Variants in CDH4 observed in about 807,000 individuals in gnomAD.
CDH4 encodes cadherin 4, also known as cadherin-4.
In CDH4, 33 loss-of-function variants were observed where a neutral mutation model predicts 86.0. The observed-to-expected ratio is 0.38, with a 90% confidence interval of 0.29 to 0.51. The LOEUF is 0.51. Ranked by LOEUF, CDH4 falls within the 20% of genes least tolerant of loss-of-function variation. CDH4 has a pLI of 0.86. For missense variants in CDH4, 1,114 were observed against 1,307.4 expected, an observed-to-expected ratio of 0.85 and a Z score of 2.28; for synonymous variants, 555 against 549.4, an observed-to-expected ratio of 1.01 and a Z score of -0.14.
intron 2 of CDH4, among the ~76,000 whole-genome samples, chr20:61,258,350 A>AG (rs2084112011): frequency 6.7e-6 from 1 of 149,732 alleles, no homozygotes; most frequent in African/African-American, 2.5e-5. Context: ...AAAAAAGAAA[A>AG]AAAAAAAAGA....
At chr20:61,833,319 A>G (rs1319184714) in intron 4 of CDH4, among the ~76,000 whole-genome samples, 1 of 152,178 alleles carries the variant, frequency 6.6e-6, no homozygotes, top group African/African-American at 2.4e-5. Context: ...GGCTGGATAT[A>G]CAGATATTTA....
intron 2 of CDH4, among the ~76,000 whole-genome samples, chr20:61,413,455 G>A (rs1287472332): frequency 6.6e-6 from 1 of 152,158 alleles, no homozygotes; most frequent in African/African-American, 2.4e-5. Flanking sequence ...CCTAGCTGGT[G>A]ACCTGAGTCT....
At chr20:61,467,321 A>ACT (rs550161286) in intron 2 of CDH4, among the ~76,000 whole-genome samples, 362 of 152,346 alleles carry the variant, frequency 2.4e-3, no homozygotes, top group Non-Finnish European at 4.4e-3. Flanking sequence ...TTAATCACTT[A>ACT]CTACATATCA....
chr20:61,926,994 C>T (rs903976162), intron 11 of CDH4, among the ~76,000 whole-genome samples: 13 of 152,200 alleles, frequency 8.5e-5, no homozygotes, highest in Admixed American at 6.5e-5. Context: ...AGGAGCCCCC[C>T]GGTTAACAGA....
chr20:61,484,820 C>G (rs2085587236), intron 2 of CDH4, among the ~76,000 whole-genome samples: 1 of 152,196 alleles, frequency 6.6e-6, no homozygotes, highest in Non-Finnish European at 1.5e-5. Context: ...CAGTGTTGAG[C>G]CACCTTATCC....
chr20:61,265,831 G>C (rs2084155623), intron 2 of CDH4, among the ~76,000 whole-genome samples: 1 of 152,216 alleles, frequency 6.6e-6, no homozygotes, highest in Non-Finnish European at 1.5e-5. Flanking sequence ...ACAGCCCACT[G>C]GTTCTCAGCC....
intron 2 of CDH4, among the ~76,000 whole-genome samples, chr20:61,496,651 A>G (rs1399567494): frequency 6.6e-6 from 1 of 152,208 alleles, no homozygotes; most frequent in Non-Finnish European, 1.5e-5. Context: ...AGCTTTGACA[A>G]ATGCTTACAT....
At chr20:61,778,339 T>G (rs1978358234) in intron 4 of CDH4, among the ~76,000 whole-genome samples, 1 of 152,142 alleles carries the variant, frequency 6.6e-6, no homozygotes, top group South Asian at 2.1e-4. Flanking sequence ...TTAAGGCATT[T>G]CATTCTGATA....
intron 2 of CDH4, among the ~76,000 whole-genome samples, chr20:61,293,602 A>T (rs2084335515): frequency 6.6e-6 from 1 of 152,192 alleles, no homozygotes; most frequent in Non-Finnish European, 1.5e-5. Context: ...GGACAGAGAG[A>T]CACATTTTTA....
intron 2 of CDH4, among the ~76,000 whole-genome samples, chr20:61,494,412 A>G (rs1189895655): frequency 6.6e-6 from 1 of 152,204 alleles, no homozygotes; most frequent in African/African-American, 2.4e-5. Context: ...TAACAAATGC[A>G]TTGTTATCCA....
intron 2 of CDH4, among the ~76,000 whole-genome samples, chr20:61,365,927 C>T (rs2084808828): frequency 6.6e-6 from 1 of 152,066 alleles, no homozygotes; most frequent in African/African-American, 2.4e-5. Context: ...TTGAGAATGC[C>T]CTTTCTAAAG....
chr20:61,270,995 G>A (rs1414559874), intron 2 of CDH4, among the ~76,000 whole-genome samples: 1 of 152,158 alleles, frequency 6.6e-6, no homozygotes, highest in Non-Finnish European at 1.5e-5. Flanking sequence ...ACCCTACGGG[G>A]CAATGTTAAA....
In CDH4 at chr20:61,663,945, C is replaced by T. The variant is rs1364635602; in HGVS notation, c.170-79618C>T. Among the ~76,000 whole-genome samples, 1 of 152,210 alleles carries T rather than the reference C, an allele frequency of 6.6e-6. No individual in the cohort carries two copies. Among genetic ancestry groups the T allele is most frequent in the African/African-American group, 2.4e-5 (1 of 41,456 alleles). ...TAGAGTGACACTGTCCTCTGTCCAGCACCGGTCCACGTTGAGGTGTCTGTG... is the reference window on the plus strand; with the variant it reads ...TAGAGTGACACTGTCCTCTGTCCAGTACCGGTCCACGTTGAGGTGTCTGTG... On this transcript the variant is annotated intron_variant, in intron 2 of 15. Coordinates refer to ENST00000614565, the MANE Select transcript of CDH4 (RefSeq NM_001794.5). The surrounding 1 kb of genome is among the most constrained non-coding windows in gnomAD (Gnocchi z 5.0).
intron 2 of CDH4, among the ~76,000 whole-genome samples, chr20:61,735,423 G>A (rs919682512): frequency 1.2e-4 from 18 of 152,170 alleles, no homozygotes; most frequent in Admixed American, 9.8e-4. Flanking sequence ...ACCCTCCTCT[G>A]TTTCTTATAC....
At chr20:61,421,369 A>G (rs1202536225) in intron 2 of CDH4, among the ~76,000 whole-genome samples, 6 of 152,246 alleles carry the variant, frequency 3.9e-5, no homozygotes, top group Non-Finnish European at 8.8e-5. Context: ...AGCTACCGAA[A>G]GGGACTCACG....
At chr20:61,739,818 C>T (rs572064804) in intron 2 of CDH4, among the ~76,000 whole-genome samples, 13 of 152,348 alleles carry the variant, frequency 8.5e-5, no homozygotes, top group African/African-American at 2.2e-4. Flanking sequence ...GGACTCCAAG[C>T]GCCCACAGAA....
chr20:61,427,860 C>T (rs1351999348), intron 2 of CDH4, among the ~76,000 whole-genome samples: 1 of 151,566 alleles, frequency 6.6e-6, no homozygotes, highest in Admixed American at 6.6e-5. Context: ...ACCAAGTCAC[C>T]GAGAATCAAA....
chr20:61,338,484 G>T (rs532573364), intron 2 of CDH4, among the ~76,000 whole-genome samples: 1 of 152,124 alleles, frequency 6.6e-6, no homozygotes, highest in East Asian at 1.9e-4. Context: ...AATGGGAATC[G>T]GCGAATGAGG....
intron 2 of CDH4, among the ~76,000 whole-genome samples, chr20:61,558,499 T>G (rs1004483759): frequency 3.3e-5 from 5 of 152,234 alleles, no homozygotes; most frequent in Non-Finnish European, 7.3e-5. Context: ...TGGGGCTACC[T>G]GGCCATCCCT....
Sources: gnomAD v4.1 joint callset for allele counts (sites outside exome capture counted in the v4.1 genomes callset) on GRCh38, gnomAD v4.1.1 for gene constraint, Gnocchi (gnomAD v3.1) non-coding constraint, MANE v1.5 for transcripts, NCBI Gene and HGNC (gene_info 2026-07-23, HGNC 2026-07-21) for gene names.